TTC7B: variants seen among roughly 807,000 people sequenced by gnomAD.
TTC7B encodes the protein tetratricopeptide repeat domain 7B, also known as tetratricopeptide repeat protein 7B.
Under a neutral mutation model 106.8 loss-of-function variants are expected in TTC7B, and 28 were observed. The ratio of observed to expected loss-of-function variants is 0.26; its 90% CI spans 0.19 to 0.36. TTC7B has a LOEUF of 0.36. Ranked by LOEUF, TTC7B falls within the 10% of genes least tolerant of loss-of-function variation. TTC7B has a pLI of 1.00. For synonymous variants in TTC7B, 405 were observed against 430.6 expected, an observed-to-expected ratio of 0.94 and a Z score of 0.74; for missense variants, 862 against 1,076.4, an observed-to-expected ratio of 0.80 and a Z score of 2.79.
intron 15 of TTC7B, among the ~76,000 whole-genome samples, chr14:90,629,796 C>T (rs1227590608): frequency 6.6e-6 from 1 of 152,048 alleles, no homozygotes; most frequent in Non-Finnish European, 1.5e-5. Flanking sequence ...CCAGCCTCGC[C>T]TCTCCCAGCT....
intron 5 of TTC7B, among the ~76,000 whole-genome samples, chr14:90,726,765 A>C (rs1363861726): frequency 6.6e-6 from 1 of 152,206 alleles, no homozygotes; most frequent in Non-Finnish European, 1.5e-5. Flanking sequence ...AGAGGCGGCA[A>C]TCCTGGCCCT....
chr14:90,815,738 C>T (rs78904261), intron 1 of TTC7B, among the ~76,000 whole-genome samples: 521 of 152,148 alleles, frequency 3.4e-3, no homozygotes, highest in Non-Finnish European at 5.5e-3. Flanking sequence ...TTCTCAAGAC[C>T]CCATAAACAC....
chr14:90,576,691 C>T (rs544149387), intron 19 of TTC7B, among the ~76,000 whole-genome samples: 66 of 152,188 alleles, frequency 4.3e-4, no homozygotes, highest in Non-Finnish European at 7.5e-4. Context: ...GGGCTTAGTT[C>T]GAGTGCAGAT....
intron 15 of TTC7B, among the ~76,000 whole-genome samples, chr14:90,618,374 C>G (rs1893176006): frequency 6.6e-6 from 1 of 152,204 alleles, no homozygotes; most frequent in Non-Finnish European, 1.5e-5. Context: ...TGTGAAACCT[C>G]AAAAACTCAT....
intron 2 of TTC7B, among the ~76,000 whole-genome samples, chr14:90,783,544 C>A (rs1258729708): frequency 6.6e-6 from 1 of 152,186 alleles, no homozygotes; most frequent in Non-Finnish European, 1.5e-5. Context: ...AGTAGGCCTG[C>A]AGCTGAGAAA....
At chr14:90,673,473 C>G (rs1465454994) in intron 9 of TTC7B, among the ~76,000 whole-genome samples, 1 of 152,176 alleles carries the variant, frequency 6.6e-6, no homozygotes, top group African/African-American at 2.4e-5. Flanking sequence ...TATTTCTGAA[C>G]AGAAGGATGG....
intron 16 of TTC7B, among the ~76,000 whole-genome samples, chr14:90,611,228 T>A (rs960397798): frequency 6.6e-6 from 1 of 152,152 alleles, no homozygotes; most frequent in African/African-American, 2.4e-5. Flanking sequence ...CATGAAGAGT[T>A]GTCTTCATGA....
At chr14:90,583,396 A>T (rs1891583209) in intron 18 of TTC7B, among the ~76,000 whole-genome samples, 1 of 152,216 alleles carries the variant, frequency 6.6e-6, no homozygotes, top group Non-Finnish European at 1.5e-5. Context: ...TCTGTGGCAC[A>T]GATCAACAAG....
chr14:90,646,141 C>A (rs946603180), intron 14 of TTC7B, among the ~76,000 whole-genome samples: 4 of 152,184 alleles, frequency 2.6e-5, no homozygotes, highest in Non-Finnish European at 5.9e-5. Flanking sequence ...CAATGCCATT[C>A]CCAAGCAACC....
In TTC7B at chr14:90,657,828, C is replaced by T. The variant is rs900316784; in HGVS notation, c.1236+476G>A. The T allele has an allele frequency of 5.3e-6, 1 of 187,394 alleles. No homozygotes were observed. The highest frequency in any genetic ancestry group is 2.4e-5 in the African/African-American group (1 of 42,188). 11.6% of individuals were successfully genotyped at this position (187,394 alleles called of 1,614,324 possible). On this transcript the variant is annotated intron_variant, in intron 10 of 19. Coordinates refer to ENST00000328459, the MANE Select transcript of TTC7B (RefSeq NM_001010854.2). The surrounding 1 kb of genome is among the most constrained non-coding windows in gnomAD (Gnocchi z 4.2). ...TTCTTACTCCATTTTACCGAGGAAA[C>T]TGAGCTGCTCAGTAACTTGCCTGGG...
At chr14:90,584,297 G>A (rs150094436) in intron 18 of TTC7B, among the ~76,000 whole-genome samples, 5 of 152,380 alleles carry the variant, frequency 3.3e-5, no homozygotes, top group African/African-American at 9.6e-5. Context: ...AGAACCTCAC[G>A]CAGGTCTAGT....
Position 90,767,004 on chromosome 14 carries a change from T to A in TTC7B, c.445+13734A>T, listed in dbSNP as rs1410754830. 3 of 1,105,846 alleles carry A rather than the reference T, an allele frequency of 2.7e-6. No homozygotes were observed. In the African/African-American group the frequency reaches 4.9e-5, roughly 18 times the overall value. 68.5% of individuals were successfully genotyped at this position (1,105,846 alleles called of 1,614,324 possible). A position where few individuals can be genotyped will look rare whatever the true frequency, so the allele number is the denominator to read the frequency against. ...AGAAGAAATAAGTCTGTAGGCCTTG[T>A]CTGTTAATAAATAGTTTATATACCA... is the stretch of plus-strand genomic sequence containing the variant. On this transcript the variant is annotated intron_variant, in intron 3 of 19. Transcript: ENST00000328459.
intron 5 of TTC7B, among the ~76,000 whole-genome samples, chr14:90,715,905 TC>T (rs1888637194): frequency 6.6e-6 from 1 of 152,194 alleles, no homozygotes; most frequent in Non-Finnish European, 1.5e-5. Flanking sequence ...CTACAATACT[TC>T]CGCCTTCCTC....
At chr14:90,563,052 C>T (rs1237378104) in intron 19 of TTC7B, among the ~76,000 whole-genome samples, 1 of 152,186 alleles carries the variant, frequency 6.6e-6, no homozygotes, top group African/African-American at 2.4e-5. Context: ...TCCCTATAGC[C>T]TTTCAGTACC....
At chr14:90,777,102 T>A (rs1306951319) in intron 3 of TTC7B, among the ~76,000 whole-genome samples, 4 of 152,042 alleles carry the variant, frequency 2.6e-5, no homozygotes, top group African/African-American at 9.6e-5. Flanking sequence ...TAGCCAGGTG[T>A]GATAGTGCAC....
At chr14:90,573,190 C>T (rs1891100289) in intron 19 of TTC7B, among the ~76,000 whole-genome samples, 1 of 152,184 alleles carries the variant, frequency 6.6e-6, no homozygotes, top group South Asian at 2.1e-4. Context: ...GATTTCGTCA[C>T]TTCTCAGCAT....
At chr14:90,667,490 A>G (rs1886457392) in intron 9 of TTC7B, among the ~76,000 whole-genome samples, 1 of 152,202 alleles carries the variant, frequency 6.6e-6, no homozygotes, top group Non-Finnish European at 1.5e-5. Context: ...TTAACTTTAA[A>G]CCCAAATTAA....
intron 5 of TTC7B, among the ~76,000 whole-genome samples, chr14:90,708,413 G>C (rs1203373052): frequency 2.0e-5 from 3 of 152,316 alleles, no homozygotes; most frequent in African/African-American, 7.2e-5. Context: ...TGGTGACTTT[G>C]AGTTGAAACC....
rs1397544997 is a variant in TTC7B at position 90,577,240 on chromosome 14, G to A, written c.2310+866C>T. 1.3e-5 allele frequency among the ~76,000 whole-genome samples: 2 copies of A among 152,236 alleles called. No homozygotes were observed. The highest frequency in any genetic ancestry group is 4.8e-5 in the African/African-American group (2 of 41,462). ...CCCAGCATGCAGGCCCAGGGAACGTGGCACGGCTTTTCACAAGCTCCTCAG... is the reference window on the plus strand; with the variant it reads ...CCCAGCATGCAGGCCCAGGGAACGTAGCACGGCTTTTCACAAGCTCCTCAG... On this transcript the variant is annotated intron_variant, in intron 19 of 19. Transcript: ENST00000328459. This position sits in a 1 kb window ranked among gnomAD's most constrained non-coding sequence, Gnocchi z 5.0.
Sources: gnomAD v4.1 joint callset for allele counts (sites outside exome capture counted in the v4.1 genomes callset) on GRCh38, gnomAD v4.1.1 for gene constraint, Gnocchi (gnomAD v3.1) non-coding constraint, MANE v1.5 for transcripts, NCBI Gene and HGNC (gene_info 2026-07-23, HGNC 2026-07-21) for gene names.